The following NELL1 variants were observed in gnomAD, a reference collection of about 807,000 sequenced individuals.
NELL1 encodes protein kinase C-binding protein NELL1.
Under a neutral mutation model 107.4 loss-of-function variants are expected in NELL1, and 76 were observed. That is an observed-to-expected ratio of 0.71 (90% CI 0.59 to 0.86). The LOEUF (loss-of-function observed/expected upper bound fraction) is 0.86, where lower values mean the gene tolerates loss of function less well. Among genes scored for constraint, NELL1 ranks in the 40% least tolerant of loss-of-function variants. NELL1 has a pLI of 0.00. For synonymous variants in NELL1, 353 were observed against 341.2 expected, an observed-to-expected ratio of 1.03 and a Z score of -0.38; for missense variants, 1,024 against 1,005.5, an observed-to-expected ratio of 1.02 and a Z score of -0.25.
chr11:20,890,333 GC>G (rs1849592603), intron 5 of NELL1, among the ~76,000 whole-genome samples: 1 of 151,934 alleles, frequency 6.6e-6, no homozygotes, highest in African/African-American at 2.4e-5. Context: ...ACAACAAAAG[GC>G]CCCCACAAAA....
chr11:20,848,813 T>A (rs747077786), intron 4 of NELL1, among the ~76,000 whole-genome samples: 5 of 152,060 alleles, frequency 3.3e-5, no homozygotes, highest in Non-Finnish European at 5.9e-5. Context: ...TTTAGAAGAG[T>A]TGGAAGGGCA....
intron 4 of NELL1, among the ~76,000 whole-genome samples, chr11:20,861,161 A>T (rs191760131): frequency 1.1e-4 from 16 of 152,304 alleles, no homozygotes; most frequent in Admixed American, 2.6e-4. Context: ...TACAATACCC[A>T]TTGCCCTGCC....
intron 3 of NELL1, among the ~76,000 whole-genome samples, chr11:20,819,960 C>A (rs1857713909): frequency 6.6e-6 from 1 of 152,188 alleles, no homozygotes; most frequent in Non-Finnish European, 1.5e-5. Context: ...TCCTTTCAGG[C>A]AGACTTCAGG....
intron 13 of NELL1, among the ~76,000 whole-genome samples, chr11:21,194,937 C>T (rs891136971): frequency 1.1e-4 from 17 of 152,074 alleles, no homozygotes; most frequent in Admixed American, 6.6e-4. Context: ...TCCCAGCCAA[C>T]AATTTTTGTT....
chr11:21,548,480 A>G (rs986704692), intron 16 of NELL1, among the ~76,000 whole-genome samples: 1 of 151,834 alleles, frequency 6.6e-6, no homozygotes, highest in Non-Finnish European at 1.5e-5. Context: ...CTTACTTCTC[A>G]ATAGGTGAGA....
intron 16 of NELL1, among the ~76,000 whole-genome samples, chr11:21,548,876 T>C (rs1300527682): frequency 6.6e-6 from 1 of 150,708 alleles, no homozygotes; most frequent in Non-Finnish European, 1.5e-5. Context: ...CTATACCTCT[T>C]ACACTGGGGT....
At chr11:21,187,395 G>T (rs1388840997) in intron 13 of NELL1, among the ~76,000 whole-genome samples, 1 of 151,774 alleles carries the variant, frequency 6.6e-6, no homozygotes, top group Non-Finnish European at 1.5e-5. Flanking sequence ...TAAGGTAATT[G>T]CTAAGAAGAT....
intron 2 of NELL1, among the ~76,000 whole-genome samples, chr11:20,781,963 C>A (rs1444196042): frequency 1.3e-5 from 2 of 150,120 alleles, no homozygotes; most frequent in African/African-American, 4.9e-5. Context: ...ATCGCTTGAG[C>A]CCGGGAGGTG....
At chr11:20,675,866 T>A (rs1193844925) in intron 1 of NELL1, among the ~76,000 whole-genome samples, 1 of 151,910 alleles carries the variant, frequency 6.6e-6, no homozygotes, top group Non-Finnish European at 1.5e-5. Flanking sequence ...GTGCAGGTGA[T>A]CCTCCTAATT....
chr11:21,204,987 C>T (rs1791852), intron 13 of NELL1, among the ~76,000 whole-genome samples: 97,702 of 152,068 alleles, frequency 0.64, 35,606 homozygotes, highest in Non-Finnish European at 0.81. Flanking sequence ...CTGGAAGCTT[C>T]GTCCCAGAGG....
At chr11:20,945,535 A>T (rs947877644) in intron 10 of NELL1, among the ~76,000 whole-genome samples, 1 of 152,238 alleles carries the variant, frequency 6.6e-6, no homozygotes, top group African/African-American at 2.4e-5. Flanking sequence ...TGACAAAAGG[A>T]TTCAACAGTG....
intron 4 of NELL1, among the ~76,000 whole-genome samples, chr11:20,877,540 A>G (rs143066717): frequency 6.6e-6 from 1 of 152,324 alleles, no homozygotes; most frequent in East Asian, 1.9e-4. Context: ...GAGAAAATCA[A>G]GTTCTTCACA....
intron 12 of NELL1, among the ~76,000 whole-genome samples, chr11:20,990,474 G>C (rs1851948741): frequency 2.0e-5 from 3 of 152,176 alleles, no homozygotes; most frequent in African/African-American, 7.2e-5. Context: ...CCAGTACCAA[G>C]AGATTATTCT....
chr11:20,715,303 GT>G lies in NELL1; in HGVS notation c.184+37258del, dbSNP rs71748513. ...TGACTGCCATTTGAGCTGGGTTTTT[GT>G]TTTTTTTTTTTTTTAAAGAATGATT... is the stretch of plus-strand genomic sequence containing the variant. On this transcript the variant is annotated intron_variant, in intron 2 of 19. Coordinates refer to ENST00000357134, the MANE Select transcript of NELL1 (RefSeq NM_006157.5). Among the ~76,000 whole-genome samples, 463 of 145,086 alleles carry G rather than the reference GT, an allele frequency of 3.2e-3. 3 individuals carry two copies. The highest frequency in any genetic ancestry group is 0.018 in the Middle Eastern group (5 of 284).
At chr11:21,161,375 A>G (rs1364297831) in intron 13 of NELL1, among the ~76,000 whole-genome samples, 2 of 152,128 alleles carry the variant, frequency 1.3e-5, no homozygotes, top group African/African-American at 2.4e-5. Context: ...TGTCTCTACT[A>G]AAAATACAAA....
At chr11:20,911,670 G>A (rs887317198) in intron 5 of NELL1, among the ~76,000 whole-genome samples, 5 of 152,142 alleles carry the variant, frequency 3.3e-5, no homozygotes, top group African/African-American at 7.2e-5. Flanking sequence ...AAAAGGTGAT[G>A]GCAATTTCAC....
intron 15 of NELL1, among the ~76,000 whole-genome samples, chr11:21,425,772 A>G (rs980908666): frequency 2.0e-5 from 3 of 152,202 alleles, no homozygotes; most frequent in African/African-American, 7.2e-5. Flanking sequence ...AAAGATAAAG[A>G]TATTTTTGAG....
chr11:21,195,970 G>C (rs1050942174), intron 13 of NELL1, among the ~76,000 whole-genome samples: 5 of 152,188 alleles, frequency 3.3e-5, no homozygotes, highest in African/African-American at 1.2e-4. Context: ...CCTGAAGAAC[G>C]AAGTCATGTA....
chr11:20,829,408 A>G (rs1042755431), intron 3 of NELL1, among the ~76,000 whole-genome samples: 1 of 151,928 alleles, frequency 6.6e-6, no homozygotes, highest in Non-Finnish European at 1.5e-5. Flanking sequence ...TGTATTTTTT[A>G]GTAGAGAAGA....
Sources: allele counts gnomAD v4.1 joint callset (sites outside exome capture counted in the v4.1 genomes callset), GRCh38; gene constraint gnomAD v4.1.1; transcripts MANE v1.5; gene names NCBI Gene and HGNC (gene_info 2026-07-23, HGNC 2026-07-21).